FOXN2: variants seen among roughly 807,000 people sequenced by gnomAD.
FOXN2 encodes the protein forkhead box N2.
A neutral mutation model predicts 41.2 loss-of-function variants in FOXN2; 19 were observed. The ratio of observed to expected loss-of-function variants is 0.46; its 90% CI spans 0.32 to 0.68. The LOEUF (loss-of-function observed/expected upper bound fraction) is 0.68, where lower values mean the gene tolerates loss of function less well. Among genes scored for constraint, FOXN2 ranks in the 30% least tolerant of loss-of-function variants. FOXN2 has a pLI of 0.03. For missense variants in FOXN2, 587 were observed against 509.4 expected (o/e 1.15, Z -1.47); for synonymous variants, 195 against 176.8 (o/e 1.10, Z -0.82).
At position 48,377,381 on chromosome 2, in the gene FOXN2, T is replaced by G. The variant is rs1673318104; in HGVS notation, c.*1938T>G. On this transcript the variant is annotated 3_prime_UTR_variant, in exon 7 of 7. Coordinates refer to ENST00000340553, the MANE Select transcript of FOXN2 (RefSeq NM_002158.4). ...ATAACTATTTTTAAGTTATTTACCA[T>G]AGCCTCTGTATAGACCTTAGGAACA... 1 of 152,050 alleles carries G rather than the reference T, an allele frequency of 6.6e-6. No individual in the cohort carries two copies. The highest frequency in any genetic ancestry group is 1.5e-5 in the Non-Finnish European group (1 of 67,900). 9.4% of individuals were successfully genotyped at this position (152,050 alleles called of 1,614,324 possible).
chr2:48,350,124 A>G (rs1671359846), intron 3 of FOXN2, among the ~76,000 whole-genome samples: 1 of 152,264 alleles, frequency 6.6e-6, no homozygotes, highest in African/African-American at 2.4e-5. Flanking sequence ...CTAGAGCTGC[A>G]TTCTTCAGTT....
chr2:48,335,792 CTG>C (rs1670301003), intron 2 of FOXN2, among the ~76,000 whole-genome samples: 2 of 151,686 alleles, frequency 1.3e-5, no homozygotes, highest in Non-Finnish European at 1.5e-5. Context: ...CTTTGGGAGG[CTG>C]AGGCAGGCGG....
chr2:48,346,814 TAAAATATCTGGA>T, intron 3 of FOXN2, 63 bp downstream of exon 3: 2 of 1,364,852 alleles, frequency 1.5e-6, no homozygotes, highest in South Asian at 3.1e-5. Context: ...ATGGAGCCCT[TAAAATATCTGGA>T]AATCGGGGAG....
At chr2:48,323,446 G>A (rs1424740047) in intron 1 of FOXN2, among the ~76,000 whole-genome samples, 1 of 152,064 alleles carries the variant, frequency 6.6e-6, no homozygotes, top group Non-Finnish European at 1.5e-5. Flanking sequence ...GGTGTAAGAT[G>A]GTATCTCATT....
At chr2:48,317,940 C>T (rs530686362) in intron 1 of FOXN2, among the ~76,000 whole-genome samples, 111 of 151,986 alleles carry the variant, frequency 7.3e-4, no homozygotes, top group Non-Finnish European at 1.4e-3. Flanking sequence ...TTTATATCCT[C>T]TAAATGAGAA....
At chr2:48,319,785 A>ATTT (rs545797179) in intron 1 of FOXN2, among the ~76,000 whole-genome samples, 22 of 98,780 alleles carry the variant, frequency 2.2e-4, no homozygotes, top group East Asian at 5.4e-4. Context: ...TAATTTTTTA[A>ATTT]TTTTTTTTTT....
chr2:48,343,410 G>A (rs1387999942), intron 2 of FOXN2, among the ~76,000 whole-genome samples: 1 of 152,004 alleles, frequency 6.6e-6, no homozygotes, highest in African/African-American at 2.4e-5. Context: ...TATGATTTGA[G>A]TGTCTACTCA....
In FOXN2 at chr2:48,375,572, G is replaced by A. The variant is rs1037794938; in HGVS notation, c.*129G>A. The A allele has an allele frequency of 9.9e-6, 10 of 1,005,970 alleles. No homozygotes were observed. In the African/African-American group the frequency reaches 1.5e-4, roughly 15 times the overall value. 62.3% of individuals were successfully genotyped at this position (1,005,970 alleles called of 1,614,324 possible). A position where few individuals can be genotyped will look rare whatever the true frequency, so the allele number is the denominator to read the frequency against. ...ACTTATTTCTTTCAAAACATTTTTG[G>A]TTTTTGGTTTTTAAAATTTTTATTA... is the stretch of plus-strand genomic sequence containing the variant. On this transcript the variant is annotated 3_prime_UTR_variant, in exon 7 of 7. Coordinates refer to ENST00000340553, the MANE Select transcript of FOXN2 (RefSeq NM_002158.4).
chr2:48,325,772 G>T (rs977175708), intron 1 of FOXN2, among the ~76,000 whole-genome samples: 1 of 151,600 alleles, frequency 6.6e-6, no homozygotes, highest in African/African-American at 2.4e-5. Context: ...CAAAAGGTTC[G>T]AGTACTATGG....
At chr2:48,360,403 C>T (rs1472886896) in intron 4 of FOXN2, among the ~76,000 whole-genome samples, 1 of 152,128 alleles carries the variant, frequency 6.6e-6, no homozygotes, top group Non-Finnish European at 1.5e-5. Flanking sequence ...GAACTCCCAG[C>T]TGCAGCAATC....
chr2:48,330,330 A>G (rs1208881784), intron 2 of FOXN2, among the ~76,000 whole-genome samples: 1 of 152,164 alleles, frequency 6.6e-6, no homozygotes, highest in Non-Finnish European at 1.5e-5. Context: ...TTTATTATGT[A>G]TTAAATCTTA....
At chr2:48,313,699 G>T (rs1668694289), upstream of FOXN2, among the ~76,000 whole-genome samples, 1 of 152,154 alleles carries the variant, frequency 6.6e-6, no homozygotes, top group Admixed American at 6.5e-5. Flanking sequence ...CCTTTGACGG[G>T]TCATTTTTCT....
intron 1 of FOXN2, among the ~76,000 whole-genome samples, chr2:48,318,727 G>T (rs1438312452): frequency 6.6e-6 from 1 of 152,090 alleles, no homozygotes; most frequent in Non-Finnish European, 1.5e-5. Context: ...ATTGTATTTA[G>T]GTGCTAAGAA....
At chr2:48,328,288 T>C (rs553319307) in intron 1 of FOXN2, among the ~76,000 whole-genome samples, 51 of 152,334 alleles carry the variant, frequency 3.3e-4, no homozygotes, top group African/African-American at 1.2e-3. Context: ...TCATGGGGGA[T>C]TGATTCTGGG....
intron 1 of FOXN2, among the ~76,000 whole-genome samples, chr2:48,327,993 A>G (rs1363704238): frequency 1.3e-5 from 2 of 152,136 alleles, no homozygotes; most frequent in Non-Finnish European, 2.9e-5. Context: ...CATTGTCTGC[A>G]TTTATTAGAT....
chr2:48,362,165 C>G (rs530738101), intron 4 of FOXN2, among the ~76,000 whole-genome samples: 1 of 152,208 alleles, frequency 6.6e-6, no homozygotes, highest in Non-Finnish European at 1.5e-5. Flanking sequence ...TATGCTCTTT[C>G]TGCTTTGGCA....
At chr2:48,330,421 T>C (rs1245774708) in intron 2 of FOXN2, among the ~76,000 whole-genome samples, 1 of 152,228 alleles carries the variant, frequency 6.6e-6, no homozygotes, top group East Asian at 1.9e-4. Context: ...CATTTGGATT[T>C]CTGGGCTTTG....
chr2:48,313,902 A>T (rs565389738), upstream of FOXN2, among the ~76,000 whole-genome samples: 87 of 152,196 alleles, frequency 5.7e-4, no homozygotes, highest in Non-Finnish European at 1.1e-3. Flanking sequence ...GGTTTAAATG[A>T]GCTCTCCTGT....
chr2:48,356,104 A>G (rs976694282), intron 3 of FOXN2, among the ~76,000 whole-genome samples: 3 of 152,082 alleles, frequency 2.0e-5, no homozygotes, highest in African/African-American at 7.2e-5. Flanking sequence ...ATCCTGGATG[A>G]CAGAGCAAGA....
Sources: allele counts gnomAD v4.1 joint callset (sites outside exome capture counted in the v4.1 genomes callset), GRCh38; gene constraint gnomAD v4.1.1; transcripts MANE v1.5; gene names NCBI Gene and HGNC (gene_info 2026-07-23, HGNC 2026-07-21).